SPON1: variants seen among roughly 807,000 people sequenced by gnomAD.
SPON1 encodes the protein spondin 1.
A neutral mutation model predicts 111.7 loss-of-function variants in SPON1; 52 were observed. The ratio of observed to expected loss-of-function variants is 0.47; its 90% CI spans 0.37 to 0.59. SPON1 has a LOEUF of 0.59. SPON1 is among the 20% of genes least tolerant of loss of function. The pLI is 0.00. For synonymous variants in SPON1, 410 were observed against 395.8 expected (o/e 1.04, Z -0.43); for missense variants, 957 against 1,068.5 (o/e 0.90, Z 1.46).
intron 6 of SPON1, among the ~76,000 whole-genome samples, chr11:14,214,675 G>C (rs1257746057): frequency 6.6e-6 from 1 of 152,138 alleles, no homozygotes; most frequent in Non-Finnish European, 1.5e-5. Context: ...TAGAAAAATG[G>C]GAGGCTGTGC....
At chr11:14,117,517 G>T (rs1454433779) in intron 5 of SPON1, among the ~76,000 whole-genome samples, 1 of 151,980 alleles carries the variant, frequency 6.6e-6, no homozygotes, top group East Asian at 1.9e-4. Context: ...TGTATTCTTG[G>T]AATAAACCCT....
At chr11:14,262,543 G>A (rs1849197764) in intron 14 of SPON1, 169 bp from the exon 15 acceptor site, 1 of 828,244 alleles carries the variant, frequency 1.2e-6, no homozygotes. Context: ...CAACCACACG[G>A]GCTGAAGTCA....
intron 5 of SPON1, among the ~76,000 whole-genome samples, chr11:14,127,226 T>C (rs1415604452): frequency 6.6e-6 from 1 of 151,694 alleles, no homozygotes; most frequent in African/African-American, 2.4e-5. Context: ...GAAACTGAGA[T>C]TGAGAGTGAC....
At chr11:14,051,861 T>A (rs999048310) in intron 3 of SPON1, among the ~76,000 whole-genome samples, 1 of 152,240 alleles carries the variant, frequency 6.6e-6, no homozygotes, top group African/African-American at 2.4e-5. Context: ...CTTATATATG[T>A]CTTATGTAAT....
At chr11:14,170,670 A>G (rs1351366208) in intron 6 of SPON1, among the ~76,000 whole-genome samples, 1 of 152,086 alleles carries the variant, frequency 6.6e-6, no homozygotes, top group Non-Finnish European at 1.5e-5. Flanking sequence ...GGTACGTCCC[A>G]TCAATACCTA....
At position 14,135,304 on chromosome 11, in the gene SPON1, G is replaced by T; in HGVS notation, c.677-116G>T. On this transcript the variant is annotated intron_variant, in intron 5 of 15. Transcript: ENST00000576479. The surrounding 1 kb of genome is among the most constrained non-coding windows in gnomAD (Gnocchi z 4.4). ...TGGCACAGGGCCTAAGACAGAATAG[G>T]TGCTTAGTCAGTGCTCTTTGAATCG... is the stretch of plus-strand genomic sequence containing the variant. 1 of 1,170,820 alleles carries T rather than the reference G, an allele frequency of 8.5e-7. No homozygotes were observed. Among genetic ancestry groups the T allele is most frequent in the Admixed American group, 2.1e-5 (1 of 46,926 alleles). 72.5% of individuals were successfully genotyped at this position (1,170,820 alleles called of 1,614,324 possible).
chr11:13,980,267 C>G (rs1425928092), intron 1 of SPON1, among the ~76,000 whole-genome samples: 1 of 152,174 alleles, frequency 6.6e-6, no homozygotes, highest in Non-Finnish European at 1.5e-5. Flanking sequence ...GTCTTGAACC[C>G]TGGCCTCAAG....
chr11:14,161,094 C>A lies in SPON1; in HGVS notation c.825+25526C>A, dbSNP rs1457209258. 8.6e-4 allele frequency among the ~76,000 whole-genome samples: 46 copies of A among 53,620 alleles called. 1 individual carries two copies. Among genetic ancestry groups the A allele is most frequent in the Admixed American group, 6.1e-4 (2 of 3,290 alleles). 35.2% of individuals were successfully genotyped at this position (53,620 alleles called of 152,430 possible). ...ATAATTTTTATATATTTATATATATCTATATATTTTATATATATCTATATA... is the reference window on the plus strand; with the variant it reads ...ATAATTTTTATATATTTATATATATATATATATTTTATATATATCTATATA... On this transcript the variant is annotated intron_variant, in intron 6 of 15. Coordinates refer to ENST00000576479, the MANE Select transcript of SPON1 (RefSeq NM_006108.4).
At chr11:14,059,983 T>C (rs1386321813) in intron 3 of SPON1, among the ~76,000 whole-genome samples, 1 of 152,198 alleles carries the variant, frequency 6.6e-6, no homozygotes, top group African/African-American at 2.4e-5. Flanking sequence ...ATCCTGGCTC[T>C]ACCCAGTCTG....
At chr11:14,179,742 G>A (rs1265686172) in intron 6 of SPON1, among the ~76,000 whole-genome samples, 15 of 152,078 alleles carry the variant, frequency 9.9e-5, no homozygotes, top group African/African-American at 3.6e-4. Flanking sequence ...GGTCATAAAA[G>A]GGTGTGATGG....
intron 6 of SPON1, among the ~76,000 whole-genome samples, chr11:14,160,689 ATTTATATATT>A (rs1847918628): frequency 7.8e-5 from 1 of 12,856 alleles, no homozygotes. Flanking sequence ...TTATATATAT[ATTTATATATT>A]TATATATATT....
At chr11:14,242,746 T>A (rs1848942666) in intron 6 of SPON1, among the ~76,000 whole-genome samples, 1 of 152,254 alleles carries the variant, frequency 6.6e-6, no homozygotes, top group Non-Finnish European at 1.5e-5. Flanking sequence ...AATAACTTTA[T>A]GGTGCTTTAT....
At chr11:14,152,249 G>A in intron 6 of SPON1, among the ~76,000 whole-genome samples, 1 of 152,188 alleles carries the variant, frequency 6.6e-6, no homozygotes, top group Non-Finnish European at 1.5e-5. Context: ...AGCAAAGTTA[G>A]CCATTTTACC....
rs568295207 is a variant in SPON1, at chr11:14,244,284, C to T, written c.890+888C>T. ...GCTGTAATCTCAGCATTTTAGGAAG[C>T]CAAGGCGGGCAGATCACGAGGTCAG... On this transcript the variant is annotated intron_variant, in intron 7 of 15. Coordinates refer to ENST00000576479, the MANE Select transcript of SPON1 (RefSeq NM_006108.4). 1.3e-3 allele frequency among the ~76,000 whole-genome samples: 197 copies of T among 152,262 alleles called. 1 individual carries two copies. The highest frequency in any genetic ancestry group is 2.3e-3 in the South Asian group (11 of 4,812).
At chr11:14,245,882 T>A (rs568578065) in intron 7 of SPON1, among the ~76,000 whole-genome samples, 1 of 152,316 alleles carries the variant, frequency 6.6e-6, no homozygotes, top group South Asian at 2.1e-4. Flanking sequence ...CAGGTGCACC[T>A]TTGCCCATCT....
chr11:14,091,663 T>C (rs947054030), intron 5 of SPON1, among the ~76,000 whole-genome samples: 1 of 151,986 alleles, frequency 6.6e-6, no homozygotes, highest in African/African-American at 2.4e-5. Context: ...GAACTCCAGC[T>C]GGCTCGCAAG....
intron 1 of SPON1, among the ~76,000 whole-genome samples, chr11:13,974,010 C>A (rs183689331): frequency 6.6e-6 from 1 of 152,194 alleles, no homozygotes; most frequent in Non-Finnish European, 1.5e-5. Flanking sequence ...CCCCACCATC[C>A]TCACCTGCTC....
intron 6 of SPON1, among the ~76,000 whole-genome samples, chr11:14,162,869 C>T (rs1193526419): frequency 6.6e-6 from 1 of 152,214 alleles, no homozygotes; most frequent in Non-Finnish European, 1.5e-5. Flanking sequence ...TGCCCTAGCT[C>T]TGTCAGTGTT....
chr11:14,265,594 T>C lies in SPON1; in HGVS notation c.2331T>C (p.Arg777=). 1 of 1,613,740 alleles carries C rather than the reference T, an allele frequency of 6.2e-7. No homozygotes were observed. Among genetic ancestry groups the C allele is most frequent in the Non-Finnish European group, 8.5e-7 (1 of 1,179,822 alleles). Residue 777 remains arginine, a synonymous_variant, in exon 16 of 16, where the codon CGT becomes CGC. Coordinates refer to ENST00000576479, the MANE Select transcript of SPON1 (RefSeq NM_006108.4). ...TGTGCGGAGGTGGAATTCAGGAACG[T>C]TACATGACTGTAAAGAAGAGATTCA... is the stretch of plus-strand genomic sequence containing the variant. ...TKLCGGGIQE[R]YMTVKKRFKS... is the part of the protein sequence containing the mutation.
Sources: gnomAD v4.1 joint callset for allele counts (sites outside exome capture counted in the v4.1 genomes callset) on GRCh38, gnomAD v4.1.1 for gene constraint, Gnocchi (gnomAD v3.1) non-coding constraint, MANE v1.5 for transcripts, NCBI Gene and HGNC (gene_info 2026-07-23, HGNC 2026-07-21) for gene names.